The following RYR2 variants were observed in gnomAD, a reference collection of about 807,000 sequenced individuals.
RYR2 encodes the protein cardiac muscle ryanodine receptor-calcium release channel.
In RYR2, 227 loss-of-function variants were observed where a neutral mutation model predicts 601.1. That is an observed-to-expected ratio of 0.38 (90% CI 0.34 to 0.42). The LOEUF (loss-of-function observed/expected upper bound fraction) is 0.42, where lower values mean the gene tolerates loss of function less well. Among genes scored for constraint, RYR2 ranks in the 10% least tolerant of loss-of-function variants. The pLI, the probability that RYR2 is intolerant of heterozygous loss-of-function variation, is 1.00. For missense variants in RYR2, 4,646 were observed against 6,156.5 expected, an observed-to-expected ratio of 0.75 and a Z score of 8.21; for synonymous variants, 2,223 against 2,175.1, an observed-to-expected ratio of 1.02 and a Z score of -0.61.
chr1:237,714,140 C>T (rs1045796574), intron 71 of RYR2, among the ~76,000 whole-genome samples: 4 of 152,180 alleles, frequency 2.6e-5, no homozygotes, highest in African/African-American at 4.8e-5. Context: ...CTTCACTCAT[C>T]TTAAACCTCA....
intron 1 of RYR2, among the ~76,000 whole-genome samples, chr1:237,198,387 C>T (rs1472144051): frequency 6.7e-6 from 1 of 149,172 alleles, no homozygotes; most frequent in South Asian, 2.1e-4. Context: ...CATTTTATAG[C>T]GATTAGATTT....
intron 1 of RYR2, among the ~76,000 whole-genome samples, chr1:237,126,951 C>T (rs1671501229): frequency 6.6e-6 from 1 of 151,822 alleles, no homozygotes; most frequent in East Asian, 1.9e-4. Flanking sequence ...GTGTTTGTGT[C>T]CCTGGGTACT....
chr1:237,135,682 G>T (rs1291574017), intron 1 of RYR2, among the ~76,000 whole-genome samples: 1 of 151,972 alleles, frequency 6.6e-6, no homozygotes, highest in South Asian at 2.1e-4. Context: ...GGCCCCCCTC[G>T]TTGGTTTTAA....
intron 63 of RYR2, among the ~76,000 whole-genome samples, chr1:237,688,748 A>G (rs1490883998): frequency 6.6e-6 from 1 of 152,186 alleles, no homozygotes; most frequent in African/African-American, 2.4e-5. Context: ...TAACCTTCTC[A>G]GAATAACAGT....
In RYR2 at chr1:237,489,268, T is replaced by C. The variant is rs984696366; in HGVS notation, c.1709-2538T>C. Among the ~76,000 whole-genome samples the C allele has an allele frequency of 5.9e-5, 9 of 151,900 alleles. No individual in the cohort carries two copies. The East Asian group carries it at 1.7e-3, about 29-fold the overall frequency. On this transcript the variant is annotated intron_variant, in intron 17 of 104. Transcript: ENST00000366574. Reference sequence around the variant, plus strand: ...GACAGACAAGCAGCCAACAAACATATGAAAAATAGTCTACCCACATCTCCA... The same window carrying C: ...GACAGACAAGCAGCCAACAAACATACGAAAAATAGTCTACCCACATCTCCA...
At chr1:237,133,498 G>A (rs1431920299) in intron 1 of RYR2, among the ~76,000 whole-genome samples, 1 of 152,170 alleles carries the variant, frequency 6.6e-6, no homozygotes, top group Non-Finnish European at 1.5e-5. Context: ...TGGAAGTTGA[G>A]AGGTCTAGTA....
chr1:237,437,574 G>C (rs550760541), intron 12 of RYR2, among the ~76,000 whole-genome samples: 1 of 152,238 alleles, frequency 6.6e-6, no homozygotes, highest in Non-Finnish European at 1.5e-5. Flanking sequence ...GATTCCTGCT[G>C]TCAAAAAGGT....
Position 237,387,280 on chromosome 1 carries a change from G to C in RYR2, c.577-1G>C. The C allele has an allele frequency of 6.2e-7, 1 of 1,613,850 alleles. No homozygotes were observed. The highest frequency in any genetic ancestry group is 8.5e-7 in the Non-Finnish European group (1 of 1,179,778). ...ATGCCTCCTTTTGCCTCTTGATACA[G>C]CACTTGTCTTATGGCAACGGCAGCT... On this transcript the variant is annotated splice_acceptor_variant, in intron 8 of 104. Transcript: ENST00000366574. LOFTEE classifies it high-confidence loss of function.
intron 1 of RYR2, among the ~76,000 whole-genome samples, chr1:237,219,622 G>A (rs1301138082): frequency 2.6e-5 from 4 of 152,162 alleles, no homozygotes; most frequent in Non-Finnish European, 5.9e-5. Flanking sequence ...GGGGAGGAAT[G>A]AGTACTGCAC....
intron 54 of RYR2, among the ~76,000 whole-genome samples, chr1:237,659,273 G>C (rs1683545779): frequency 1.3e-5 from 2 of 152,164 alleles, no homozygotes; most frequent in African/African-American, 4.8e-5. Flanking sequence ...TACTAGGTAA[G>C]TCAGTAAGGA....
chr1:237,494,949 C>T (rs891730682), intron 19 of RYR2, among the ~76,000 whole-genome samples: 1 of 152,082 alleles, frequency 6.6e-6, no homozygotes, highest in African/African-American at 2.4e-5. Flanking sequence ...CACCACCACA[C>T]CCAGCTAATT....
chr1:237,509,002 A>C (rs1320047629), intron 23 of RYR2, among the ~76,000 whole-genome samples: 1 of 151,890 alleles, frequency 6.6e-6, no homozygotes, highest in African/African-American at 2.4e-5. Flanking sequence ...TCGGCCTCCC[A>C]AAGTGCTGGG....
At position 237,084,744 on chromosome 1, in the gene RYR2, A is replaced by G. The variant is rs1666114164; in HGVS notation, c.48+42175A>G. Among the ~76,000 whole-genome samples, 3 of 152,302 alleles carry G rather than the reference A, an allele frequency of 2.0e-5. No individual in the cohort carries two copies. The East Asian group carries it at 5.8e-4, about 29-fold the overall frequency. ...TGGCCAGGCATTTCTTGAATGTGCT[A>G]GTCCCTTTTTAATTCTCTAAAAGGA... is the stretch of plus-strand genomic sequence containing the variant. On this transcript the variant is annotated intron_variant, in intron 1 of 104. Coordinates refer to ENST00000366574, the MANE Select transcript of RYR2 (RefSeq NM_001035.3).
At chr1:237,582,934 A>ATG (rs1477465679) in intron 29 of RYR2, among the ~76,000 whole-genome samples, 1 of 136,466 alleles carries the variant, frequency 7.3e-6, no homozygotes, top group African/African-American at 2.7e-5. Flanking sequence ...ATATATATAT[A>ATG]TATATACCCA....
intron 80 of RYR2, among the ~76,000 whole-genome samples, chr1:237,744,595 G>A (rs1241885261): frequency 2.6e-5 from 4 of 152,022 alleles, no homozygotes; most frequent in Non-Finnish European, 4.4e-5. Flanking sequence ...GAAGGAGGTT[G>A]CAGTGAGCCG....
intron 8 of RYR2, among the ~76,000 whole-genome samples, chr1:237,379,421 A>T (rs1326709724): frequency 1.3e-5 from 2 of 152,220 alleles, no homozygotes; most frequent in Non-Finnish European, 2.9e-5. Context: ...AATGAGGTTG[A>T]TGCTGATAAT....
intron 1 of RYR2, among the ~76,000 whole-genome samples, chr1:237,054,013 C>T (rs1371544814): frequency 6.6e-6 from 1 of 152,138 alleles, no homozygotes; most frequent in East Asian, 1.9e-4. Flanking sequence ...TGGAACAATC[C>T]ATTTAGTCTA....
At chr1:237,071,592 A>G (rs1664329726) in intron 1 of RYR2, among the ~76,000 whole-genome samples, 1 of 152,134 alleles carries the variant, frequency 6.6e-6, no homozygotes, top group South Asian at 2.1e-4. Context: ...CGGCCATGGC[A>G]GGCCTGGAAA....
intron 79 of RYR2, among the ~76,000 whole-genome samples, chr1:237,738,694 T>TA (rs899119104): frequency 6.6e-6 from 1 of 152,110 alleles, no homozygotes; most frequent in Non-Finnish European, 1.5e-5. Context: ...CATTTTTTTT[T>TA]ATTGTTGTGT....
Sources: gnomAD v4.1 joint callset for allele counts (sites outside exome capture counted in the v4.1 genomes callset) on GRCh38, gnomAD v4.1.1 for gene constraint, MANE v1.5 for transcripts, NCBI Gene and HGNC (gene_info 2026-07-23, HGNC 2026-07-21) for gene names.